The following NTNG2 variants were observed in gnomAD, a reference collection of about 807,000 sequenced individuals.
The protein encoded by NTNG2 is netrin-G2.
NTNG2 carries 15 observed loss-of-function variants against 47.6 expected under a neutral mutation model. The observed-to-expected ratio is 0.32, with a 90% CI of 0.21 to 0.49. NTNG2 has a LOEUF of 0.49. NTNG2 is among the 20% of genes least tolerant of loss of function. NTNG2 has a pLI of 0.99. For synonymous variants in NTNG2, 307 were observed against 324.6 expected (o/e 0.95, Z 0.58); for missense variants, 578 against 764.6 (o/e 0.76, Z 2.88).
chr9:132,195,735 T>G (rs556992306), intron 2 of NTNG2, among the ~76,000 whole-genome samples: 27 of 150,582 alleles, frequency 1.8e-4, no homozygotes, highest in African/African-American at 6.4e-4. Context: ...GCTCAAGCAA[T>G]CTCCAGCCCC....
intron 2 of NTNG2, among the ~76,000 whole-genome samples, chr9:132,193,182 A>G (rs1006405944): frequency 2.0e-5 from 3 of 152,270 alleles, no homozygotes; most frequent in Admixed American, 2.0e-4. Flanking sequence ...GTGGCTCAGC[A>G]GTTGGGGATG....
chr9:132,175,305 C>T (rs1343955780), intron 2 of NTNG2, among the ~76,000 whole-genome samples: 2 of 152,122 alleles, frequency 1.3e-5, no homozygotes, highest in Admixed American at 6.5e-5. Flanking sequence ...GGCTCCTGAC[C>T]GCTCGCTAGG....
At chr9:132,212,039 G>A (rs920008551) in intron 3 of NTNG2, among the ~76,000 whole-genome samples, 2 of 152,160 alleles carry the variant, frequency 1.3e-5, no homozygotes, top group Admixed American at 6.5e-5. Flanking sequence ...GAATATAGGC[G>A]CTAGGAGGCA....
In NTNG2 at chr9:132,218,072, G is replaced by A. The variant is rs1163932184; in HGVS notation, c.858-8777G>A. On this transcript the variant is annotated intron_variant, in intron 3 of 7. Transcript: ENST00000393229. This position sits in a 1 kb window ranked among gnomAD's most constrained non-coding sequence, Gnocchi z 5.4. ...TTCCCGCTCTTCAGGTGAGAAAAGC[G>A]AGACTCAGGTTGGCTAAGAATTTGT... Among the ~76,000 whole-genome samples the A allele has an allele frequency of 1.3e-5, 2 of 152,214 alleles. No individual in the cohort carries two copies. The highest frequency in any genetic ancestry group is 2.9e-5 in the Non-Finnish European group (2 of 68,044).
rs562981593 is a variant in NTNG2, at chr9:132,189,931, G to C, written c.214-8035G>C. ...CCCAAAGTGCTGGGATTACAGGCGT[G>C]AGCAACTGTGCCCAGCCTAAAATAT... On this transcript the variant is annotated intron_variant, in intron 2 of 7. Transcript: ENST00000393229. 1.7e-4 allele frequency among the ~76,000 whole-genome samples: 26 copies of C among 148,872 alleles called. No individual in the cohort carries two copies. In the South Asian group the frequency reaches 4.9e-3, roughly 28 times the overall value.
At chr9:132,192,124 G>A (rs527338642) in intron 2 of NTNG2, among the ~76,000 whole-genome samples, 7 of 152,166 alleles carry the variant, frequency 4.6e-5, no homozygotes, top group South Asian at 2.1e-4. Context: ...GTGGAAACGC[G>A]CAGACCCAGA....
At position 132,215,080 on chromosome 9, in the gene NTNG2, G is replaced by A. The variant is rs868155381; in HGVS notation, c.858-11769G>A. 4.6e-4 allele frequency among the ~76,000 whole-genome samples: 17 copies of A among 36,632 alleles called. No individual in the cohort carries two copies. The highest frequency in any genetic ancestry group is 6.5e-4 in the African/African-American group (5 of 7,716). 24.0% of individuals were successfully genotyped at this position (36,632 alleles called of 152,430 possible). A position where few individuals can be genotyped will look rare whatever the true frequency, so the allele number is the denominator to read the frequency against. On this transcript the variant is annotated intron_variant, in intron 3 of 7. Transcript: ENST00000393229. This position sits in a 1 kb window ranked among gnomAD's most constrained non-coding sequence, Gnocchi z 4.2. ...TTTTTAATTTTTTTGTAGAGATTGG[G>A]GGGGGGGGTCTCACTTTCTTGCCCA...
chr9:132,182,796 C>A lies in NTNG2; in HGVS notation c.214-15170C>A, dbSNP rs1013231895. On this transcript the variant is annotated intron_variant, in intron 2 of 7. Transcript: ENST00000393229. The surrounding 1 kb of genome is among the most constrained non-coding windows in gnomAD (Gnocchi z 4.2). ...AGCTATGACCCCACCAGGAGCGGAGCGGGCAGGGACCAGGCTGCCCTCTAA... is the reference window on the plus strand; with the variant it reads ...AGCTATGACCCCACCAGGAGCGGAGAGGGCAGGGACCAGGCTGCCCTCTAA... 6.6e-6 allele frequency among the ~76,000 whole-genome samples: 1 copy of A among 152,204 alleles called. No individual in the cohort carries two copies. Among genetic ancestry groups the A allele is most frequent in the African/African-American group, 2.4e-5 (1 of 41,452 alleles).
intron 5 of NTNG2, chr9:132,233,358 C>T (rs1368335644): frequency 6.6e-6 from 1 of 152,302 alleles, no homozygotes; most frequent in Non-Finnish European, 1.5e-5. Context: ...CAGAGGAATC[C>T]ATTTGCAGAG....
intron 3 of NTNG2, among the ~76,000 whole-genome samples, chr9:132,204,186 C>A (rs1838992523): frequency 6.6e-6 from 1 of 152,058 alleles, no homozygotes; most frequent in African/African-American, 2.4e-5. Context: ...AGAGGCTGAG[C>A]TGGGCCTGGA....
In NTNG2 at chr9:132,242,246, C is replaced by A. The variant is rs1010245157; in HGVS notation, c.*135C>A. On this transcript the variant is annotated 3_prime_UTR_variant, in exon 8 of 8. Coordinates refer to ENST00000393229, the MANE Select transcript of NTNG2 (RefSeq NM_032536.4). This position sits in a 1 kb window ranked among gnomAD's most constrained non-coding sequence, Gnocchi z 5.9. ...CCAGGTGCTACTCAGCAGGGCCCCC[C>A]GCCCGGCCCGCGCTCCCGCCCGCAC... 7.9e-5 allele frequency: 20 copies of A among 254,488 alleles called. No homozygotes were observed. Among genetic ancestry groups the A allele is most frequent in the Non-Finnish European group, 1.1e-4 (17 of 153,032 alleles). The allele number at this position is 254,488 out of a possible 1,614,324, so 15.8% of individuals were successfully genotyped here. A position where few individuals can be genotyped will look rare whatever the true frequency, so the allele number is the denominator to read the frequency against.
At chr9:132,223,885 C>T (rs947634252) in intron 3 of NTNG2, among the ~76,000 whole-genome samples, 8 of 151,972 alleles carry the variant, frequency 5.3e-5, no homozygotes, top group Non-Finnish European at 1.2e-4. Context: ...AGTAAAATCC[C>T]GCCTCCGTCT....
intron 4 of NTNG2, among the ~76,000 whole-genome samples, 173 bp from the exon 5 acceptor site, chr9:132,230,399 G>A (rs569580503): frequency 2.6e-5 from 4 of 152,152 alleles, no homozygotes; most frequent in South Asian, 2.1e-4. Flanking sequence ...ATCCACCCCC[G>A]TCCCCACACC....
chr9:132,173,696 G>A lies in NTNG2; in HGVS notation c.213+6652G>A, dbSNP rs148063496. Among the ~76,000 whole-genome samples, 456 of 149,982 alleles carry A rather than the reference G, an allele frequency of 3.0e-3. 3 individuals are homozygous for A. The highest frequency in any genetic ancestry group is 2.9e-3 in the Non-Finnish European group (196 of 67,338). On this transcript the variant is annotated intron_variant, in intron 2 of 7. Coordinates refer to ENST00000393229, the MANE Select transcript of NTNG2 (RefSeq NM_032536.4). ...GGCCGCACCATGCTGCGGATGAGAC[G>A]GATGGATGGACAGACGGACAGACAG...
rs1398332786 is a variant in NTNG2, at chr9:132,162,151, CG to C, written c.-571del. On this transcript the variant is annotated 5_prime_UTR_variant, in exon 1 of 8. Coordinates refer to ENST00000393229, the MANE Select transcript of NTNG2 (RefSeq NM_032536.4). The surrounding 1 kb of genome is among the most constrained non-coding windows in gnomAD (Gnocchi z 4.6). The stretch of plus-strand genomic sequence containing the variant: ...GCCCTCGGCCCGCGCCCCCACCCAG[CG>C]CCAGCCCGAGGGGGGAGGCGCAGCG... 1 of 152,216 alleles carries C rather than the reference CG, an allele frequency of 6.6e-6. No individual in the cohort carries two copies. Among genetic ancestry groups the C allele is most frequent in the Non-Finnish European group, 1.5e-5 (1 of 67,686 alleles). The allele number at this position is 152,216 out of a possible 1,614,324, so 9.4% of individuals were successfully genotyped here.
At chr9:132,223,114 A>G (rs1295775174) in intron 3 of NTNG2, among the ~76,000 whole-genome samples, 1 of 152,136 alleles carries the variant, frequency 6.6e-6, no homozygotes, top group Non-Finnish European at 1.5e-5. Flanking sequence ...ACTCGGTCTC[A>G]AAAAGCAAAA....
intron 2 of NTNG2, among the ~76,000 whole-genome samples, chr9:132,181,017 G>A (rs921694671): frequency 4.6e-5 from 7 of 152,212 alleles, no homozygotes; most frequent in Admixed American, 2.0e-4. Flanking sequence ...TCTGCCTTCT[G>A]GGGGCTCTTC....
rs1411562752 is a variant in NTNG2 at position 132,236,590 on chromosome 9, GAAGC to G, written c.1055-2512_1055-2509del. On this transcript the variant is annotated intron_variant, in intron 5 of 7. Transcript: ENST00000393229. The surrounding 1 kb of genome is among the most constrained non-coding windows in gnomAD (Gnocchi z 4.3). Reference sequence around the variant, plus strand: ...CTACTGGCAGGAAGCTCTGGCGCTGGAAGCATGTTTAGAGAGGGTCTGAGGCTCG... The same window carrying G: ...CTACTGGCAGGAAGCTCTGGCGCTGGATGTTTAGAGAGGGTCTGAGGCTCG... 6.6e-6 allele frequency among the ~76,000 whole-genome samples: 1 copy of G among 152,252 alleles called. No homozygotes were observed. Among genetic ancestry groups the G allele is most frequent in the Non-Finnish European group, 1.5e-5 (1 of 68,038 alleles).
chr9:132,182,353 A>G lies in NTNG2; in HGVS notation c.213+15309A>G, dbSNP rs1045300753. ...GTGCTGTCTGCCAAGGGAGGGCTCCAGGCCTGTCTGCTTGGCACGGGGCAG... is the reference window on the plus strand; with the variant it reads ...GTGCTGTCTGCCAAGGGAGGGCTCCGGGCCTGTCTGCTTGGCACGGGGCAG... On this transcript the variant is annotated intron_variant, in intron 2 of 7. Transcript: ENST00000393229. This position sits in a 1 kb window ranked among gnomAD's most constrained non-coding sequence, Gnocchi z 4.2. Among the ~76,000 whole-genome samples, 1 of 152,120 alleles carries G rather than the reference A, an allele frequency of 6.6e-6. No homozygotes were observed. The highest frequency in any genetic ancestry group is 2.4e-5 in the African/African-American group (1 of 41,426).
Sources: gnomAD v4.1 joint callset for allele counts (sites outside exome capture counted in the v4.1 genomes callset) on GRCh38, gnomAD v4.1.1 for gene constraint, Gnocchi (gnomAD v3.1) non-coding constraint, MANE v1.5 for transcripts, NCBI Gene and HGNC (gene_info 2026-07-23, HGNC 2026-07-21) for gene names.